The following ZNF605 variants were observed in gnomAD, a reference collection of about 807,000 sequenced individuals.
ZNF605 encodes zinc finger protein 605.
In ZNF605, 9 loss-of-function variants were observed where a neutral mutation model predicts 7.9. The ratio of observed to expected loss-of-function variants is 1.14; its 90% CI spans 0.68 to 1.98. The LOEUF (loss-of-function observed/expected upper bound fraction) is 1.98. Ranked by LOEUF, ZNF605 falls within the 30% of genes most tolerant of loss-of-function variation. The pLI, the probability that ZNF605 is intolerant of heterozygous loss-of-function variation, is 0.00. For missense variants in ZNF605, 673 were observed against 762.4 expected (o/e 0.88, Z 1.38); for synonymous variants, 255 against 260.1 (o/e 0.98, Z 0.19).
In ZNF605 at chr12:132,926,010, A is replaced by G; in HGVS notation, c.1289T>C (p.Phe430Ser). 1 of 1,614,178 alleles carries G rather than the reference A, an allele frequency of 6.2e-7. No homozygotes were observed. The highest frequency in any genetic ancestry group is 8.5e-7 in the Non-Finnish European group (1 of 1,180,036). Residue 430 changes from phenylalanine to serine, a missense_variant, in exon 5 of 5, where the codon TTC becomes TCC. Physicochemically the swap from Phe to Ser is radical, Grantham distance 155 (BLOSUM62 -2). Transcript: ENST00000360187. ...CGTTAGGAGCTGGGACTTCCCAAAG[A>G]AGGTTTTCCCACATTGAATGCATCC... ...PYGCIQCGKT[F>S]FGKSQLLTHH...
intron 3 of ZNF605, among the ~76,000 whole-genome samples, chr12:132,943,052 T>C (rs886871898): frequency 1.3e-5 from 2 of 151,912 alleles, no homozygotes; most frequent in Non-Finnish European, 2.9e-5. Context: ...AGTCAAGGAG[T>C]TCAGCTCCTG....
rs957025472 is a variant in ZNF605, at chr12:132,919,464, A to G, written c.*5909T>C. On this transcript the variant is annotated 3_prime_UTR_variant, in exon 5 of 5. Transcript: ENST00000360187. ...GAGTGCAGTGGCGCGATCTCAGCTCACTGCAAGCTCCGCCTCCCGGGTTCA... is the reference window on the plus strand; with the variant it reads ...GAGTGCAGTGGCGCGATCTCAGCTCGCTGCAAGCTCCGCCTCCCGGGTTCA... The G allele has an allele frequency of 7.1e-6, 1 of 140,926 alleles. No homozygotes were observed. The highest frequency in any genetic ancestry group is 8.2e-5 in the Admixed American group (1 of 12,254). 8.7% of individuals were successfully genotyped at this position (140,926 alleles called of 1,614,324 possible). A position where few individuals can be genotyped will look rare whatever the true frequency, so the allele number is the denominator to read the frequency against.
chr12:132,936,370 AAGCTC>A (rs1952367060), intron 3 of ZNF605, among the ~76,000 whole-genome samples: 1 of 152,188 alleles, frequency 6.6e-6, no homozygotes, highest in Admixed American at 6.5e-5. Flanking sequence ...AATAAAGCAA[AAGCTC>A]AGAAATGGAA....
In ZNF605 at chr12:132,926,320, G is replaced by A. The variant is rs1392082394; in HGVS notation, c.979C>T (p.His327Tyr). 1.2e-6 allele frequency: 2 copies of A among 1,613,986 alleles called. No individual in the cohort carries two copies. Among genetic ancestry groups the A allele is most frequent in the South Asian group, 1.1e-5 (1 of 91,084 alleles). The change falls in exon 5 of 5, where the codon CAT becomes TAT. Residue 327 changes from histidine (H) to tyrosine (Y), a missense_variant. Physicochemically the swap from His to Tyr is moderately conservative, Grantham distance 83 (BLOSUM62 2). Transcript: ENST00000360187. ...TTCTTCCCTGTGTGGGTCCTCTGAT[G>A]AGTAATCAGCTGCGACTTCCAAAAG... is the stretch of plus-strand genomic sequence containing the variant. Reference protein sequence around the residue: ...AFFWKSQLITHQRTHTGKKPY... With the variant: ...AFFWKSQLITYQRTHTGKKPY...
Position 132,918,933 on chromosome 12 carries a change from C to T in ZNF605, c.*6440G>A, listed in dbSNP as rs1046443808. ...AGTGAAGTACAGCTGGCCCACATCTCAGCCAACATCATCTTCTTACAGAAT... is the reference window on the plus strand; with the variant it reads ...AGTGAAGTACAGCTGGCCCACATCTTAGCCAACATCATCTTCTTACAGAAT... On this transcript the variant is annotated 3_prime_UTR_variant, in exon 5 of 5. Coordinates refer to ENST00000360187, the MANE Select transcript of ZNF605 (RefSeq NM_183238.4). 2 of 152,256 alleles carry T rather than the reference C, an allele frequency of 1.3e-5. No homozygotes were observed. The highest frequency in any genetic ancestry group is 4.8e-5 in the African/African-American group (2 of 41,454). The allele number at this position is 152,256 out of a possible 1,614,324, so 9.4% of individuals were successfully genotyped here. A position where few individuals can be genotyped will look rare whatever the true frequency, so the allele number is the denominator to read the frequency against.
chr12:132,923,589 T>C lies in ZNF605; in HGVS notation c.*1784A>G, dbSNP rs1952221802. 6.6e-6 allele frequency: 1 copy of C among 152,180 alleles called. No homozygotes were observed. Among genetic ancestry groups the C allele is most frequent in the Admixed American group, 6.5e-5 (1 of 15,270 alleles). 9.4% of individuals were successfully genotyped at this position (152,180 alleles called of 1,614,324 possible). On this transcript the variant is annotated 3_prime_UTR_variant, in exon 5 of 5. Transcript: ENST00000360187. Reference sequence around the variant, plus strand: ...CTTTGTTCATGTGTATGTATTATCTTTTTTTCTCAAGGTGTTTTAAAAGTA... The same window carrying C: ...CTTTGTTCATGTGTATGTATTATCTCTTTTTCTCAAGGTGTTTTAAAAGTA...
At chr12:132,945,004 A>T (rs920554514) in intron 3 of ZNF605, 151 of 187,546 alleles carry the variant, frequency 8.1e-4, no homozygotes, top group Non-Finnish European at 1.4e-3. Context: ...AGACTTTTGT[A>T]TGATTCTTTT....
chr12:132,942,468 T>G (rs1463004311), intron 3 of ZNF605, among the ~76,000 whole-genome samples: 1 of 152,152 alleles, frequency 6.6e-6, no homozygotes. Flanking sequence ...AACAAACTCA[T>G]GTCATGGATA....
At position 132,923,872 on chromosome 12, in the gene ZNF605, G is replaced by T. The variant is rs1952224127; in HGVS notation, c.*1501C>A. 6.6e-6 allele frequency: 1 copy of T among 151,892 alleles called. No homozygotes were observed. Among genetic ancestry groups the T allele is most frequent in the African/African-American group, 2.4e-5 (1 of 41,322 alleles). 9.4% of individuals were successfully genotyped at this position (151,892 alleles called of 1,614,324 possible). A position where few individuals can be genotyped will look rare whatever the true frequency, so the allele number is the denominator to read the frequency against. On this transcript the variant is annotated 3_prime_UTR_variant, in exon 5 of 5. Transcript: ENST00000360187. The stretch of plus-strand genomic sequence containing the variant: ...TTCCTATTCTCTTCCTCTTCTCTAA[G>T]TCTTTTTTTCTCTCTGTATATCACT...
chr12:132,940,196 T>C (rs1426269783), intron 3 of ZNF605, among the ~76,000 whole-genome samples: 1 of 152,106 alleles, frequency 6.6e-6, no homozygotes, highest in African/African-American at 2.4e-5. Context: ...AAAGCTGTAG[T>C]GACAGAGAAC....
Position 132,941,453 on chromosome 12 carries a change from T to C in ZNF605, c.15+4168A>G, listed in dbSNP as rs1463032041. ...CACATTCCACTGACTTGGGCCACACTATCCAGGCCCGACATGACCAGATCT... is the reference window on the plus strand; with the variant it reads ...CACATTCCACTGACTTGGGCCACACCATCCAGGCCCGACATGACCAGATCT... On this transcript the variant is annotated intron_variant, in intron 3 of 4. Coordinates refer to ENST00000360187, the MANE Select transcript of ZNF605 (RefSeq NM_183238.4). This position sits in a 1 kb window ranked among gnomAD's most constrained non-coding sequence, Gnocchi z 5.1. Among the ~76,000 whole-genome samples the C allele has an allele frequency of 7.9e-5, 12 of 152,304 alleles. No homozygotes were observed. The highest frequency in any genetic ancestry group is 2.4e-4 in the African/African-American group (10 of 41,572).
rs1952215805 is a variant in ZNF605 at position 132,922,780 on chromosome 12, T to C, written c.*2593A>G. 1 of 152,168 alleles carries C rather than the reference T, an allele frequency of 6.6e-6. No homozygotes were observed. The highest frequency in any genetic ancestry group is 2.4e-5 in the African/African-American group (1 of 41,428). 9.4% of individuals were successfully genotyped at this position (152,168 alleles called of 1,614,324 possible). Reference sequence around the variant, plus strand: ...AAACCGAGAGATCTACAGCCATAGATGGGGCTTCCCAAAGGAAGCTGTATC... The same window carrying C: ...AAACCGAGAGATCTACAGCCATAGACGGGGCTTCCCAAAGGAAGCTGTATC... On this transcript the variant is annotated 3_prime_UTR_variant, in exon 5 of 5. Transcript: ENST00000360187.
chr12:132,938,438 T>C (rs1255182998), intron 3 of ZNF605, among the ~76,000 whole-genome samples: 1 of 151,982 alleles, frequency 6.6e-6, no homozygotes, highest in Non-Finnish European at 1.5e-5. Context: ...GTAGCTGGGA[T>C]TACAGGCACA....
At chr12:132,946,423 GGCT>G (rs1332908512) in intron 2 of ZNF605, among the ~76,000 whole-genome samples, 2 of 152,218 alleles carry the variant, frequency 1.3e-5, no homozygotes, top group African/African-American at 4.8e-5. Context: ...AGCAGGGCCT[GGCT>G]GCAGCCTACA....
intron 1 of ZNF605, among the ~76,000 whole-genome samples, chr12:132,950,035 G>A (rs987533796): frequency 2.6e-5 from 4 of 151,948 alleles, no homozygotes; most frequent in African/African-American, 7.3e-5. Context: ...GCTCCTTCAG[G>A]CTTGTGGCAC....
chr12:132,935,619 G>A (rs1952355939), intron 3 of ZNF605, among the ~76,000 whole-genome samples: 1 of 133,068 alleles, frequency 7.5e-6, no homozygotes, highest in African/African-American at 2.5e-5. Flanking sequence ...TCATCCAGGT[G>A]CGGTGGCTCA....
chr12:132,928,764 C>T lies in ZNF605; in HGVS notation c.137-1602G>A, dbSNP rs1009789159. ...TGGCAGCTCACAACAACAATCCCAG[C>T]ACTTTGGGAGGCTGAGGTGGGAGGA... On this transcript the variant is annotated intron_variant, in intron 4 of 4. Transcript: ENST00000360187. Among the ~76,000 whole-genome samples, 532 of 152,268 alleles carry T rather than the reference C, an allele frequency of 3.5e-3. 4 individuals are homozygous for T. The highest frequency in any genetic ancestry group is 0.012 in the African/African-American group (512 of 41,540).
chr12:132,927,099 T>C lies in ZNF605; in HGVS notation c.200A>G (p.Glu67Gly). ...RDNQDNLKSM[E>G]RGHKYDVFGK... ...AAAAACATCATATTTATGGCCTCTC[T>C]CCATACTTTTAAGGTTGTCTTGATT... The change falls in exon 5 of 5, where the codon GAG becomes GGG. Residue 67 changes from glutamate (E) to glycine (G), a missense_variant. Transcript: ENST00000360187. The C allele has an allele frequency of 6.3e-7, 1 of 1,597,006 alleles. No individual in the cohort carries two copies. Among genetic ancestry groups the C allele is most frequent in the South Asian group, 1.1e-5 (1 of 89,794 alleles).
Position 132,925,768 on chromosome 12 carries a change from T to C in ZNF605, c.1531A>G (p.Arg511Gly), listed in dbSNP as rs865801473. The C allele has an allele frequency of 6.2e-7, 1 of 1,613,896 alleles. No homozygotes were observed. Among genetic ancestry groups the C allele is most frequent in the Admixed American group, 1.7e-5 (1 of 59,998 alleles). ...TGTGGCTTCCAGGCAAAAGCTTTCC[T>C]ACATTCACTACATTCAAAGGGCTTT... is the stretch of plus-strand genomic sequence containing the variant. ...GEKPFECSEC[R>G]KAFAWKPQLL... is the part of the protein sequence containing the mutation. The change falls in exon 5 of 5, where the codon AGG becomes GGG. Residue 511 changes from arginine to glycine, a missense_variant. Arg to Gly is a moderately radical substitution (Grantham distance 125). Coordinates refer to ENST00000360187, the MANE Select transcript of ZNF605 (RefSeq NM_183238.4).
Sources: gnomAD v4.1 joint callset for allele counts (sites outside exome capture counted in the v4.1 genomes callset) on GRCh38, gnomAD v4.1.1 for gene constraint, Gnocchi (gnomAD v3.1) non-coding constraint, MANE v1.5 for transcripts, NCBI Gene and HGNC (gene_info 2026-07-23, HGNC 2026-07-21) for gene names.